Variants in KIF15 observed in about 807,000 individuals in gnomAD.
KIF15 encodes kinesin family member 15.
A neutral mutation model predicts 190.6 loss-of-function variants in KIF15; 140 were observed. That is an observed-to-expected ratio of 0.73 (90% CI 0.64 to 0.84). KIF15 has a LOEUF of 0.84. Among genes scored for constraint, KIF15 ranks in the 40% least tolerant of loss-of-function variants. The pLI is 0.00. For missense variants in KIF15, 1,372 were observed against 1,584.4 expected (o/e 0.87, Z 2.28); for synonymous variants, 528 against 551.3 (o/e 0.96, Z 0.59).
At chr3:44,800,469 G>A (rs767438461) in intron 11 of KIF15, 32 bp downstream of exon 11, 1 of 1,602,616 alleles carries the variant, frequency 6.2e-7, no homozygotes, top group Non-Finnish European at 8.5e-7. Flanking sequence ...TTATCTTGGG[G>A]AAGACTGTAC....
chr3:44,777,837 GTTTA>G (rs759762473), intron 3 of KIF15, among the ~76,000 whole-genome samples: 1 of 152,150 alleles, frequency 6.6e-6, no homozygotes, highest in Non-Finnish European at 1.5e-5. Context: ...ATGTACAGCC[GTTTA>G]TTTATGCTAG....
intron 5 of KIF15, among the ~76,000 whole-genome samples, chr3:44,782,049 T>C (rs1056969694): frequency 1.3e-5 from 2 of 152,144 alleles, no homozygotes; most frequent in African/African-American, 2.4e-5. Flanking sequence ...CTTTTCTTTT[T>C]CTTCTTTTTA....
rs559599556 is a variant in KIF15, at chr3:44,833,469, G to A, written c.3171+2451G>A. On this transcript the variant is annotated intron_variant, in intron 26 of 34. Coordinates refer to ENST00000326047, the MANE Select transcript of KIF15 (RefSeq NM_020242.3). ...TCCTATCCAGGGGTGATGGGAAATA[G>A]TGACAAATCATCAGGCATTAGATTC... is the stretch of plus-strand genomic sequence containing the variant. Among the ~76,000 whole-genome samples, 20 of 152,000 alleles carry A rather than the reference G, an allele frequency of 1.3e-4. No homozygotes were observed. In the East Asian group the frequency reaches 3.7e-3, roughly 28 times the overall value.
Position 44,848,053 on chromosome 3 carries a change from C to A in KIF15, c.3764C>A (p.Ala1255Glu). ...GAAGAAAGTATCAAAGAAAGACTTG[C>A]AAAAGTAAGATTTTTTTTTATGTAA... is the stretch of plus-strand genomic sequence containing the variant. ...EQEESIKERLAKSKIVEEMLK... is the reference protein window; with the variant it reads ...EQEESIKERLEKSKIVEEMLK... The change falls in exon 31 of 35, where the codon GCA becomes GAA. Residue 1255 changes from alanine (A) to glutamate (E), a missense_variant. Transcript: ENST00000326047. The A allele has an allele frequency of 6.3e-7, 1 of 1,593,928 alleles. No homozygotes were observed. Among genetic ancestry groups the A allele is most frequent in the Non-Finnish European group, 8.6e-7 (1 of 1,163,808 alleles).
chr3:44,763,207 C>A (rs1245295292), intron 1 of KIF15, among the ~76,000 whole-genome samples: 1 of 152,124 alleles, frequency 6.6e-6, no homozygotes, highest in Non-Finnish European at 1.5e-5. Context: ...TCCCAGCAGC[C>A]CAGAGGCCTG....
chr3:44,860,519 G>A (rs965783879), intron 6 of KIF15, among the ~76,000 whole-genome samples: 2 of 152,040 alleles, frequency 1.3e-5, no homozygotes, highest in Admixed American at 6.6e-5. Context: ...ACAGGTGCCC[G>A]CCACCACACC....
At chr3:44,789,674 ATATATATATATATATAT>A in intron 7 of KIF15, among the ~76,000 whole-genome samples, 1 of 52,346 alleles carries the variant, frequency 1.9e-5, no homozygotes. Context: ...ATATATATAT[ATATATATATATATATAT>A]AAAATAGATA....
chr3:44,837,638 A>C (rs910413310), intron 26 of KIF15, among the ~76,000 whole-genome samples: 14 of 152,210 alleles, frequency 9.2e-5, no homozygotes, highest in Non-Finnish European at 1.5e-5. Flanking sequence ...ACATGCACAC[A>C]CATACCTACA....
At chr3:44,814,114 GAGAT>G in intron 19 of KIF15, among the ~76,000 whole-genome samples, 1 of 152,122 alleles carries the variant, frequency 6.6e-6, no homozygotes, top group East Asian at 1.9e-4. Context: ...AAAACAAAAA[GAGAT>G]AGCCATTCTA....
intron 20 of KIF15, among the ~76,000 whole-genome samples, chr3:44,818,288 G>A (rs184333328): frequency 6.6e-6 from 1 of 152,188 alleles, no homozygotes; most frequent in Non-Finnish European, 1.5e-5. Context: ...TATTGAAGAG[G>A]AGTGGTAAGA....
intron 30 of KIF15, 134 bp from the exon 31 acceptor site, chr3:44,847,851 A>G (rs982648694): frequency 3.1e-5 from 20 of 635,168 alleles, no homozygotes; most frequent in Middle Eastern, 5.1e-4. Flanking sequence ...GACTTGACCC[A>G]ATCACAATAG....
chr3:44,804,858 C>T (rs1258056235), intron 14 of KIF15, among the ~76,000 whole-genome samples, 169 bp from the exon 15 acceptor site: 1 of 151,980 alleles, frequency 6.6e-6, no homozygotes, highest in Non-Finnish European at 1.5e-5. Context: ...CCTGTAGTCC[C>T]AACTATTTGG....
At chr3:44,857,394 G>A (rs755233978), downstream of KIF15, among the ~76,000 whole-genome samples, 39 of 152,212 alleles carry the variant, frequency 2.6e-4, no homozygotes, top group Non-Finnish European at 4.9e-4. Context: ...GCCGCTGCAC[G>A]GAGACATAAT....
At chr3:44,856,064 C>G (rs1278404323), downstream of KIF15, among the ~76,000 whole-genome samples, 1 of 151,838 alleles carries the variant, frequency 6.6e-6, no homozygotes, top group Non-Finnish European at 1.5e-5. Context: ...GGTGATTTGA[C>G]TAATAAAGGC....
intron 6 of KIF15, among the ~76,000 whole-genome samples, chr3:44,860,109 G>T (rs963492106): frequency 1.3e-5 from 2 of 152,166 alleles, no homozygotes; most frequent in African/African-American, 4.8e-5. Flanking sequence ...TAGCAGAGAC[G>T]GCTTTACAGA....
intron 23 of KIF15, 66 bp downstream of exon 23, chr3:44,827,594 G>A (rs1332025526): frequency 4.3e-6 from 4 of 932,982 alleles, no homozygotes; most frequent in Non-Finnish European, 5.0e-6. Context: ...ATACCTAAAA[G>A]GCTTATTATA....
intron 30 of KIF15, 152 bp from the exon 31 acceptor site, chr3:44,847,833 A>G: frequency 1.9e-6 from 1 of 532,396 alleles, no homozygotes; most frequent in Non-Finnish European, 3.4e-6. Flanking sequence ...ACATTTATCA[A>G]CTGTACTGAC....
intron 26 of KIF15, among the ~76,000 whole-genome samples, chr3:44,832,021 TTACTTACA>T (rs1226140567): frequency 6.6e-6 from 1 of 152,214 alleles, no homozygotes; most frequent in Non-Finnish European, 1.5e-5. Context: ...AAAAACACTG[TTACTTACA>T]TCAAAGCATG....
chr3:44,840,697 CTTGCTCT>C (rs200776124), intron 28 of KIF15, among the ~76,000 whole-genome samples: 4,691 of 104,242 alleles, frequency 0.045, 112 homozygotes, highest in Middle Eastern at 0.2. Flanking sequence ...CAGATGGAGT[CTTGCTCT>C]GTCACCCAGG....
Sources: gnomAD v4.1 joint callset for allele counts (sites outside exome capture counted in the v4.1 genomes callset) on GRCh38, gnomAD v4.1.1 for gene constraint, MANE v1.5 for transcripts, NCBI Gene and HGNC (gene_info 2026-07-23, HGNC 2026-07-21) for gene names.